Variants in FBN2 observed in about 807,000 individuals in gnomAD.
FBN2 encodes the protein fibrillin-2.
FBN2 carries 105 observed loss-of-function variants against 355.6 expected under a neutral mutation model. That is an observed-to-expected ratio of 0.30 (90% CI 0.25 to 0.35). FBN2 has a LOEUF of 0.35. Ranked by LOEUF, FBN2 falls within the 10% of genes least tolerant of loss-of-function variation. The probability of loss-of-function intolerance (pLI) is 1.00; values close to 1 mark genes in which losing one functional copy is unlikely to be tolerated. For missense variants in FBN2, 3,280 were observed against 3,758.7 expected (o/e 0.87, Z 3.33); for synonymous variants, 1,350 against 1,301.2 (o/e 1.04, Z -0.81).
chr5:128,533,881 A>G (rs942212951), intron 2 of FBN2, among the ~76,000 whole-genome samples: 1 of 152,156 alleles, frequency 6.6e-6, no homozygotes, highest in Admixed American at 6.5e-5. Context: ...AAAGGTGAGA[A>G]AGTCAATTCC....
At chr5:128,426,262 G>A (rs1240927096) in intron 7 of FBN2, among the ~76,000 whole-genome samples, 2 of 152,118 alleles carry the variant, frequency 1.3e-5, no homozygotes, top group African/African-American at 4.8e-5. Flanking sequence ...ATTCTCAAGT[G>A]CGCCCACACA....
At chr5:128,334,910 A>G in intron 30 of FBN2, 66 bp from the exon 31 acceptor site, 2 of 1,390,812 alleles carry the variant, frequency 1.4e-6, no homozygotes, top group Non-Finnish European at 1.0e-6. Context: ...TATCTTCTAC[A>G]CTGAATAGCA....
At chr5:128,465,240 C>T (rs1016907814) in intron 5 of FBN2, among the ~76,000 whole-genome samples, 30 of 152,164 alleles carry the variant, frequency 2.0e-4, no homozygotes, top group African/African-American at 7.2e-4. Context: ...GGAAATTCCA[C>T]ATGAAATTTG....
chr5:128,298,508 C>T (rs1228400574), intron 48 of FBN2, among the ~76,000 whole-genome samples: 1 of 151,898 alleles, frequency 6.6e-6, no homozygotes, highest in Non-Finnish European at 1.5e-5. Context: ...TCACATAGTC[C>T]CATATTTCTT....
rs1436275660 is a variant in FBN2, at chr5:128,261,652, A to T, written c.8364+84T>A. On this transcript the variant is annotated intron_variant, in intron 64 of 64. Transcript: ENST00000262464. ...ATTCAAGGTATGATTAACTTCAGTGAGGCTGAAAACGACGTGAACTGCACT... is the reference window on the plus strand; with the variant it reads ...ATTCAAGGTATGATTAACTTCAGTGTGGCTGAAAACGACGTGAACTGCACT... 4.1e-6 allele frequency: 5 copies of T among 1,231,076 alleles called. No homozygotes were observed. In the Admixed American group the frequency reaches 8.4e-5, roughly 21 times the overall value. 76.3% of individuals were successfully genotyped at this position (1,231,076 alleles called of 1,614,324 possible). A position where few individuals can be genotyped will look rare whatever the true frequency, so the allele number is the denominator to read the frequency against.
chr5:128,311,179 A>G (rs1750046252), intron 39 of FBN2, 121 bp downstream of exon 39: 2 of 963,164 alleles, frequency 2.1e-6, no homozygotes, highest in African/African-American at 1.6e-5. Flanking sequence ...AAAAAAAAAA[A>G]GCTATGAACC....
intron 46 of FBN2, among the ~76,000 whole-genome samples, chr5:128,302,480 A>G (rs1749745213): frequency 6.6e-6 from 1 of 152,160 alleles, no homozygotes; most frequent in Admixed American, 6.5e-5. Context: ...TTATCTAGAA[A>G]CCTAGTCACC....
At chr5:128,468,641 T>A (rs547147630) in intron 5 of FBN2, among the ~76,000 whole-genome samples, 1 of 152,224 alleles carries the variant, frequency 6.6e-6, no homozygotes, top group South Asian at 2.1e-4. Context: ...TTTTCTACAA[T>A]TTTTATTATA....
At chr5:128,350,465 C>T (rs985424851) in intron 21 of FBN2, among the ~76,000 whole-genome samples, 2 of 152,296 alleles carry the variant, frequency 1.3e-5, no homozygotes, top group South Asian at 4.1e-4. Context: ...GCAGGAGAAT[C>T]GCTTGAACCC....
At chr5:128,304,386 A>C (rs1212431665) in intron 45 of FBN2, among the ~76,000 whole-genome samples, 1 of 152,128 alleles carries the variant, frequency 6.6e-6, no homozygotes, top group Non-Finnish European at 1.5e-5. Flanking sequence ...CTCTATTACC[A>C]CTTGGCTACC....
At chr5:128,294,439 T>A (rs992603973) in intron 48 of FBN2, among the ~76,000 whole-genome samples, 15 of 152,096 alleles carry the variant, frequency 9.9e-5, no homozygotes, top group African/African-American at 2.4e-5. Context: ...GTTGAACTAG[T>A]TTACAGTCCC....
chr5:128,320,464 T>C (rs924443616), intron 34 of FBN2, among the ~76,000 whole-genome samples: 1 of 152,224 alleles, frequency 6.6e-6, no homozygotes, highest in Non-Finnish European at 1.5e-5. Flanking sequence ...TCCTCCCTCC[T>C]TGGCCTTCCA....
intron 5 of FBN2, among the ~76,000 whole-genome samples, chr5:128,517,417 C>T (rs1756308422): frequency 6.6e-6 from 1 of 152,064 alleles, no homozygotes; most frequent in African/African-American, 2.4e-5. Flanking sequence ...GTGTGTTATT[C>T]CATTCTGAAT....
At chr5:128,511,311 G>A (rs923807394) in intron 5 of FBN2, among the ~76,000 whole-genome samples, 1 of 152,152 alleles carries the variant, frequency 6.6e-6, no homozygotes, top group Non-Finnish European at 1.5e-5. Context: ...CTACTTGAGG[G>A]TATAGAGGGC....
At chr5:128,329,667 C>T (rs1175374957) in intron 33 of FBN2, among the ~76,000 whole-genome samples, 1 of 152,164 alleles carries the variant, frequency 6.6e-6, no homozygotes, top group Admixed American at 6.5e-5. Context: ...GATGCAAACT[C>T]TAAGGCTACA....
chr5:128,313,313 T>G (rs1750111110), intron 36 of FBN2, among the ~76,000 whole-genome samples: 1 of 152,170 alleles, frequency 6.6e-6, no homozygotes, highest in Non-Finnish European at 1.5e-5. Context: ...AAATACTACT[T>G]TTTTGCTGAG....
At chr5:128,284,090 T>C (rs1033900992) in intron 55 of FBN2, among the ~76,000 whole-genome samples, 11 of 152,218 alleles carry the variant, frequency 7.2e-5, no homozygotes, top group African/African-American at 2.6e-4. Flanking sequence ...CTCCTTCAAA[T>C]CCATTACCTA....
chr5:128,297,966 G>A (rs6889733), intron 48 of FBN2, among the ~76,000 whole-genome samples: 5,988 of 150,820 alleles, frequency 0.04, 405 homozygotes, highest in African/African-American at 0.14. Flanking sequence ...ATTTTGCAGC[G>A]GCTGGTACCG....
chr5:128,312,557 C>A (rs1750083043), intron 37 of FBN2, 77 bp downstream of exon 37: 24 of 1,546,930 alleles, frequency 1.6e-5, no homozygotes, highest in Non-Finnish European at 2.0e-5. Context: ...ACTCCTCACT[C>A]CCAGCTCAGG....
Sources: allele counts gnomAD v4.1 joint callset (sites outside exome capture counted in the v4.1 genomes callset), GRCh38; gene constraint gnomAD v4.1.1; transcripts MANE v1.5; gene names NCBI Gene and HGNC (gene_info 2026-07-23, HGNC 2026-07-21).